Variants in CTNNA1 observed in about 807,000 individuals in gnomAD.
CTNNA1 encodes the protein catenin alpha-1.
Under a neutral mutation model 98.4 loss-of-function variants are expected in CTNNA1, and 37 were observed. The observed-to-expected ratio is 0.38, with a 90% CI of 0.29 to 0.49. CTNNA1 has a LOEUF of 0.49. Ranked by LOEUF, CTNNA1 falls within the 20% of genes least tolerant of loss-of-function variation. The pLI is 0.95. For synonymous variants in CTNNA1, 404 were observed against 413.2 expected (o/e 0.98, Z 0.27); for missense variants, 761 against 1,147.2 (o/e 0.66, Z 4.86).
chr5:138,820,314 C>T (rs891685161), intron 5 of CTNNA1, among the ~76,000 whole-genome samples: 15 of 151,920 alleles, frequency 9.9e-5, no homozygotes, highest in African/African-American at 3.6e-4. Context: ...GAGCAAGACA[C>T]ACTCCAGCCA....
At chr5:138,774,777 G>A (rs1414434472) in intron 1 of CTNNA1, among the ~76,000 whole-genome samples, 4 of 151,886 alleles carry the variant, frequency 2.6e-5, no homozygotes, top group African/African-American at 4.8e-5. Flanking sequence ...GCCCACCACC[G>A]CACCCAGCTA....
intron 1 of CTNNA1, among the ~76,000 whole-genome samples, chr5:138,759,647 G>C (rs1055762909): frequency 6.6e-6 from 1 of 152,096 alleles, no homozygotes; most frequent in Non-Finnish European, 1.5e-5. Context: ...ATTAGAATAC[G>C]GATCCCTAAT....
intron 11 of CTNNA1, 60 bp from the exon 12 acceptor site, chr5:138,924,450 C>T (rs1475431534): frequency 1.3e-6 from 2 of 1,548,330 alleles, no homozygotes; most frequent in Non-Finnish European, 1.8e-6. Flanking sequence ...TGCCAGCTTA[C>T]AGTTGCCACC....
chr5:138,818,588 A>G (rs1759692819), intron 5 of CTNNA1, among the ~76,000 whole-genome samples: 1 of 152,106 alleles, frequency 6.6e-6, no homozygotes, highest in East Asian at 1.9e-4. Flanking sequence ...GAGCAATAGT[A>G]CAGTCTTCGT....
chr5:138,761,393 G>A (rs1288332545), intron 1 of CTNNA1, among the ~76,000 whole-genome samples: 1 of 152,002 alleles, frequency 6.6e-6, no homozygotes, highest in East Asian at 1.9e-4. Flanking sequence ...GTGTCACCAC[G>A]ACCTGTTTAA....
At chr5:138,889,613 C>G (rs754005064) in intron 9 of CTNNA1, among the ~76,000 whole-genome samples, 4 of 152,024 alleles carry the variant, frequency 2.6e-5, no homozygotes, top group African/African-American at 9.7e-5. Flanking sequence ...ATTCTGAACA[C>G]TACTAACCAA....
intron 11 of CTNNA1, among the ~76,000 whole-genome samples, chr5:138,921,013 G>T (rs925635428): frequency 2.0e-5 from 3 of 152,126 alleles, no homozygotes; most frequent in African/African-American, 7.2e-5. Flanking sequence ...TAGAAAAAGA[G>T]GAATATGCAT....
At chr5:138,896,739 G>A (rs1369237252) in intron 9 of CTNNA1, among the ~76,000 whole-genome samples, 1 of 152,170 alleles carries the variant, frequency 6.6e-6, no homozygotes, top group East Asian at 1.9e-4. Flanking sequence ...CCATGGTAAG[G>A]ATAACACCTT....
At chr5:138,765,358 T>G (rs2149589340) in intron 1 of CTNNA1, among the ~76,000 whole-genome samples, 2 of 152,038 alleles carry the variant, frequency 1.3e-5, no homozygotes, top group South Asian at 4.2e-4. Context: ...ATTTTCTTAT[T>G]TTTAGTAGAG....
At chr5:138,900,095 T>G (rs922090074) in intron 9 of CTNNA1, among the ~76,000 whole-genome samples, 6 of 152,258 alleles carry the variant, frequency 3.9e-5, no homozygotes, top group Non-Finnish European at 7.3e-5. Context: ...ATTGAGTGCC[T>G]CTGAAATGTT....
At chr5:138,798,999 A>C (rs1757257470) in intron 3 of CTNNA1, among the ~76,000 whole-genome samples, 1 of 151,996 alleles carries the variant, frequency 6.6e-6, no homozygotes, top group South Asian at 2.1e-4. Context: ...TTTATTAAAA[A>C]AAATTTTTTT....
chr5:138,897,294 A>ACCCC (rs1200145464), intron 9 of CTNNA1, among the ~76,000 whole-genome samples: 2 of 16,392 alleles, frequency 1.2e-4, no homozygotes, highest in Admixed American at 9.6e-4. Flanking sequence ...CTCACACCGC[A>ACCCC]CCCCCCCCCC....
chr5:138,778,564 A>G (rs1754677657), intron 1 of CTNNA1, among the ~76,000 whole-genome samples: 1 of 152,204 alleles, frequency 6.6e-6, no homozygotes, highest in Non-Finnish European at 1.5e-5. Context: ...TCATAAATAA[A>G]TAATCTGTTG....
intron 1 of CTNNA1, among the ~76,000 whole-genome samples, chr5:138,773,602 C>T (rs940645557): frequency 1.3e-5 from 2 of 151,782 alleles, no homozygotes; most frequent in African/African-American, 4.8e-5. Flanking sequence ...ACTGAGTTCT[C>T]AATTTTCAAG....
chr5:138,803,788 C>T (rs546350671), intron 3 of CTNNA1, among the ~76,000 whole-genome samples: 137 of 152,296 alleles, frequency 9.0e-4, no homozygotes, highest in Non-Finnish European at 1.4e-3. Context: ...CTTTCTGTCA[C>T]TGCCCCCGAC....
At chr5:138,775,423 A>T (rs1753996710) in intron 1 of CTNNA1, among the ~76,000 whole-genome samples, 1 of 152,164 alleles carries the variant, frequency 6.6e-6, no homozygotes, top group African/African-American at 2.4e-5. Flanking sequence ...AAATTCATCT[A>T]CCTTCAATGA....
intron 3 of CTNNA1, among the ~76,000 whole-genome samples, chr5:138,794,573 A>C (rs921539239): frequency 2.0e-5 from 3 of 152,220 alleles, no homozygotes; most frequent in African/African-American, 7.2e-5. Context: ...GGTTATGCCA[A>C]ATATATACTA....
At chr5:138,890,264 T>C (rs76911348) in intron 9 of CTNNA1, among the ~76,000 whole-genome samples, 1,693 of 152,216 alleles carry the variant, frequency 0.011, 27 homozygotes, top group African/African-American at 0.039. Flanking sequence ...TGAGTGCTCC[T>C]CCTAAAATAC....
intron 3 of CTNNA1, among the ~76,000 whole-genome samples, chr5:138,799,966 G>A (rs948214038): frequency 2.0e-5 from 3 of 151,902 alleles, no homozygotes; most frequent in African/African-American, 4.8e-5. Flanking sequence ...GTGCCATCTC[G>A]GCTCACTGCA....
Sources: gnomAD v4.1 joint callset for allele counts (sites outside exome capture counted in the v4.1 genomes callset) on GRCh38, gnomAD v4.1.1 for gene constraint, MANE v1.5 for transcripts, NCBI Gene and HGNC (gene_info 2026-07-23, HGNC 2026-07-21) for gene names.